The following GATAD2B variants were observed in gnomAD, a reference collection of about 807,000 sequenced individuals.
GATAD2B encodes the protein GATA zinc finger domain containing 2B.
GATAD2B carries 8 observed loss-of-function variants against 64.3 expected under a neutral mutation model. The observed-to-expected ratio is 0.12, with a 90% CI of 0.07 to 0.22. The LOEUF (loss-of-function observed/expected upper bound fraction) is 0.22, where lower values mean the gene tolerates loss of function less well. Among genes scored for constraint, GATAD2B ranks in the 10% least tolerant of loss-of-function variants. The pLI is 1.00. For missense variants in GATAD2B, 453 were observed against 752.0 expected (o/e 0.60, Z 4.65); for synonymous variants, 281 against 271.3 (o/e 1.04, Z -0.35).
intron 1 of GATAD2B, among the ~76,000 whole-genome samples, chr1:153,881,597 G>C (rs1042380315): frequency 1.3e-5 from 2 of 152,154 alleles, no homozygotes; most frequent in African/African-American, 4.8e-5. Flanking sequence ...GAACTCAGAA[G>C]AGATTTCGAG....
At chr1:153,826,298 C>G (rs1044009236) in intron 2 of GATAD2B, among the ~76,000 whole-genome samples, 4 of 151,986 alleles carry the variant, frequency 2.6e-5, no homozygotes, top group Non-Finnish European at 5.9e-5. Flanking sequence ...GGATTACAGG[C>G]GTGAGCCACC....
chr1:153,845,349 C>T lies in GATAD2B; in HGVS notation c.-1-17001G>A, dbSNP rs181180168. Among the ~76,000 whole-genome samples the T allele has an allele frequency of 4.9e-4, 74 of 150,962 alleles. 1 individual carries two copies. Among genetic ancestry groups the T allele is most frequent in the Non-Finnish European group, 8.6e-4 (58 of 67,712 alleles). On this transcript the variant is annotated intron_variant, in intron 1 of 10. Coordinates refer to ENST00000368655, the MANE Select transcript of GATAD2B (RefSeq NM_020699.4). The stretch of plus-strand genomic sequence containing the variant: ...GTGAGCCTGATCAAGCCACTGAACT[C>T]CTGCCTGGACAACAGAGCCAGACCC...
In GATAD2B at chr1:153,811,661, G is replaced by T. The variant is rs1055458219; in HGVS notation, c.1648+70C>A. ...AGTAAAGGAACAATTCCCTTAAAGGGGCTGCTACAGAACTGTATACTAACT... is the reference window on the plus strand; with the variant it reads ...AGTAAAGGAACAATTCCCTTAAAGGTGCTGCTACAGAACTGTATACTAACT... On this transcript the variant is annotated intron_variant, in intron 10 of 10. Coordinates refer to ENST00000368655, the MANE Select transcript of GATAD2B (RefSeq NM_020699.4). 9.1e-6 allele frequency: 8 copies of T among 881,428 alleles called. No homozygotes were observed. In the African/African-American group the frequency reaches 1.3e-4, roughly 15 times the overall value. 54.6% of individuals were successfully genotyped at this position (881,428 alleles called of 1,614,324 possible). A position where few individuals can be genotyped will look rare whatever the true frequency, so the allele number is the denominator to read the frequency against.
intron 1 of GATAD2B, among the ~76,000 whole-genome samples, chr1:153,896,151 T>C (rs1677587389): frequency 1.3e-5 from 2 of 151,986 alleles, no homozygotes; most frequent in African/African-American, 2.4e-5. Context: ...CAGAATGAGA[T>C]TCTGTCTCTT....
chr1:153,896,917 G>C (rs1044709169), intron 1 of GATAD2B, among the ~76,000 whole-genome samples: 7 of 152,070 alleles, frequency 4.6e-5, no homozygotes, highest in Non-Finnish European at 8.8e-5. Context: ...GGCAACATTA[G>C]TAAGACCCAT....
chr1:153,915,973 TAG>T (rs1678252599), intron 1 of GATAD2B, among the ~76,000 whole-genome samples: 1 of 151,992 alleles, frequency 6.6e-6, no homozygotes, highest in African/African-American at 2.4e-5. Context: ...GGCACGATGA[TAG>T]AGAGTTTACA....
chr1:153,815,067 G>C (rs575783310), intron 7 of GATAD2B, among the ~76,000 whole-genome samples: 2 of 97,014 alleles, frequency 2.1e-5, no homozygotes, highest in Non-Finnish European at 3.7e-5. Context: ...GGGTGACAGA[G>C]TAAGACTCTG....
intron 1 of GATAD2B, chr1:153,852,334 T>A: frequency 1.1e-6 from 1 of 947,166 alleles, no homozygotes; most frequent in South Asian, 1.3e-5. Flanking sequence ...GGAGGCAGCA[T>A]TGCAGAACAC....
intron 1 of GATAD2B, among the ~76,000 whole-genome samples, chr1:153,887,052 A>G (rs1449560123): frequency 6.6e-6 from 1 of 152,134 alleles, no homozygotes; most frequent in Non-Finnish European, 1.5e-5. Flanking sequence ...ATCAGACCAC[A>G]ATGCTTCAAA....
At chr1:153,824,082 A>G (rs1674783497) in intron 2 of GATAD2B, among the ~76,000 whole-genome samples, 1 of 152,152 alleles carries the variant, frequency 6.6e-6, no homozygotes, top group Admixed American at 6.5e-5. Context: ...CTGTCAGTAT[A>G]TCTGGAGTCC....
At chr1:153,848,330 T>A (rs1440977950) in intron 1 of GATAD2B, among the ~76,000 whole-genome samples, 2 of 152,224 alleles carry the variant, frequency 1.3e-5, no homozygotes, top group African/African-American at 2.4e-5. Flanking sequence ...ATTACCTTCA[T>A]GTTGCCAAGT....
At chr1:153,844,311 C>A in intron 1 of GATAD2B, among the ~76,000 whole-genome samples, 1 of 151,438 alleles carries the variant, frequency 6.6e-6, no homozygotes, top group African/African-American at 2.4e-5. Flanking sequence ...TAGAAAAACT[C>A]AATTTATGGG....
intron 1 of GATAD2B, among the ~76,000 whole-genome samples, chr1:153,892,163 CAAAAAA>C (rs900308080): frequency 1.2e-4 from 6 of 50,336 alleles, no homozygotes; most frequent in African/African-American, 3.9e-4. Flanking sequence ...GACTCCGTCT[CAAAAAA>C]AAAAAAAAAA....
chr1:153,817,389 C>G lies in GATAD2B; in HGVS notation c.883G>C (p.Ala295Pro). 6.4e-7 allele frequency: 1 copy of G among 1,571,344 alleles called. No homozygotes were observed. Among genetic ancestry groups the G allele is most frequent in the Non-Finnish European group, 8.6e-7 (1 of 1,161,764 alleles). Residue 295 changes from alanine (A) to proline (P), a missense_variant, in exon 6 of 11, where the codon GCC becomes CCC. Physicochemically the swap from Ala to Pro is conservative, Grantham distance 27 (BLOSUM62 -1). Transcript: ENST00000368655. Reference protein sequence around the residue: ...VRTTTPNMNPAINYQPQSSSS... With the variant: ...VRTTTPNMNPPINYQPQSSSS... ...TCTCTTACCGGTTGATAATTGATGG[C>G]GGGATTCATGTTGGGTGTTGTGGTG...
At chr1:153,885,649 CGAG>C (rs1006280683) in intron 1 of GATAD2B, among the ~76,000 whole-genome samples, 4 of 151,766 alleles carry the variant, frequency 2.6e-5, no homozygotes, top group Admixed American at 1.3e-4. Context: ...GGGTGGATCA[CGAG>C]GAGATTGAGA....
At chr1:153,828,547 A>G (rs1411349189) in intron 1 of GATAD2B, among the ~76,000 whole-genome samples, 199 bp from the exon 2 acceptor site, 2 of 152,134 alleles carry the variant, frequency 1.3e-5, no homozygotes, top group African/African-American at 2.4e-5. Flanking sequence ...GAACATTTAT[A>G]TTAAAGGAGA....
intron 1 of GATAD2B, among the ~76,000 whole-genome samples, chr1:153,897,170 C>T (rs570265514): frequency 6.6e-6 from 1 of 152,000 alleles, no homozygotes; most frequent in East Asian, 1.9e-4. Flanking sequence ...GCTGGGATTA[C>T]AGGTGCCCGC....
intron 1 of GATAD2B, among the ~76,000 whole-genome samples, chr1:153,871,640 T>A (rs1676668039): frequency 6.6e-6 from 1 of 152,096 alleles, no homozygotes; most frequent in African/African-American, 2.4e-5. Context: ...TCTGGCTAAT[T>A]TTTGTATTTT....
intron 1 of GATAD2B, among the ~76,000 whole-genome samples, chr1:153,903,955 G>A (rs1173225642): frequency 6.6e-6 from 1 of 152,062 alleles, no homozygotes; most frequent in Admixed American, 6.6e-5. Flanking sequence ...CTGCACTCCA[G>A]CGTTGGCAAC....
Sources: allele counts gnomAD v4.1 joint callset (sites outside exome capture counted in the v4.1 genomes callset), GRCh38; gene constraint gnomAD v4.1.1; transcripts MANE v1.5; gene names NCBI Gene and HGNC (gene_info 2026-07-23, HGNC 2026-07-21).